The following PDLIM2 variants were observed in gnomAD, a reference collection of about 807,000 sequenced individuals.
PDLIM2 encodes PDZ and LIM domain 2.
Under a neutral mutation model 54.1 loss-of-function variants are expected in PDLIM2, and 51 were observed. The ratio of observed to expected loss-of-function variants is 0.94; its 90% CI spans 0.75 to 1.19. The LOEUF (loss-of-function observed/expected upper bound fraction) is 1.19. Ranked by LOEUF, PDLIM2 falls within the 50% of genes most tolerant of loss-of-function variation. PDLIM2 has a pLI of 0.00. For missense variants in PDLIM2, 912 were observed against 874.0 expected, an observed-to-expected ratio of 1.04 and a Z score of -0.55; for synonymous variants, 398 against 385.6, an observed-to-expected ratio of 1.03 and a Z score of -0.38.
intron 3 of PDLIM2, among the ~76,000 whole-genome samples, chr8:22,583,306 CT>C (rs1203398545): frequency 2.6e-5 from 4 of 152,022 alleles, no homozygotes; most frequent in African/African-American, 9.7e-5. Context: ...GGGGAGACCC[CT>C]GAGAAAGGGA....
exon 9 of PDLIM2, chr8:22,591,606 C>G (rs1191372645): frequency 1.9e-6 from 3 of 1,613,630 alleles, no homozygotes; most frequent in Non-Finnish European, 2.5e-6. Context: ...CCCTGCCCGC[C>G]TCCAGGGCCC....
downstream of PDLIM2, chr8:22,595,545 G>C (rs1050954288): frequency 2.6e-5 from 4 of 152,308 alleles, no homozygotes; most frequent in African/African-American, 9.6e-5. Context: ...GAATGAATAA[G>C]AGGATGTGGC....
downstream of PDLIM2, chr8:22,594,813 C>T: frequency 2.5e-6 from 3 of 1,177,042 alleles, no homozygotes; most frequent in Non-Finnish European, 3.4e-6. Context: ...GCTTTAGGCC[C>T]AGGTACTGGG....
downstream of PDLIM2, chr8:22,597,308 T>C (rs1461065538): frequency 6.6e-6 from 1 of 152,314 alleles, no homozygotes. Flanking sequence ...GGCTCTAGGC[T>C]TGGGACTGCG....
intron 6 of PDLIM2, 86 bp downstream of exon 5, chr8:22,585,485 G>A (rs1188352042): frequency 6.7e-6 from 9 of 1,348,968 alleles, no homozygotes; most frequent in Non-Finnish European, 9.2e-6. Flanking sequence ...ACTGCAGGCG[G>A]CCAGGCCCAC....
chr8:22,581,963 G>A (rs1488538278), intron 3 of PDLIM2, among the ~76,000 whole-genome samples: 1 of 152,244 alleles, frequency 6.6e-6, no homozygotes, highest in Non-Finnish European at 1.5e-5. Flanking sequence ...AGCTGGAAGT[G>A]AGGACTTGGG....
At chr8:22,584,795 A>G (rs1482990098) in intron 3 of PDLIM2, 26 bp from the exon 3 acceptor site, 2 of 1,612,176 alleles carry the variant, frequency 1.2e-6, no homozygotes, top group Non-Finnish European at 1.7e-6. Flanking sequence ...CCCCTGTGAC[A>G]TTCCCTCCCT....
exon 10 of PDLIM2, chr8:22,593,938 TG>T: frequency 6.5e-7 from 1 of 1,543,876 alleles, no homozygotes; most frequent in Non-Finnish European, 8.7e-7. Flanking sequence ...CCTGCCTCAC[TG>T]CTGGGCCAGG....
chr8:22,578,758 C>G (rs1800104088), exon 1 of PDLIM2: 1 of 1,233,488 alleles, frequency 8.1e-7, no homozygotes, highest in Admixed American at 4.2e-5. Context: ...CCCAGGCAGC[C>G]CACCCTGCCC....
chr8:22,589,327 G>A (rs759268283), exon 7 of PDLIM2: 18 of 1,534,078 alleles, frequency 1.2e-5, no homozygotes, highest in East Asian at 7.3e-5. Context: ...GCGACTCGGC[G>A]GTGCTGGTGC....
intron 9 of PDLIM2, chr8:22,593,408 T>C (rs1800607294): frequency 3.7e-6 from 1 of 267,394 alleles, no homozygotes; most frequent in Admixed American, 5.0e-5. Context: ...AAAACCCGTC[T>C]CTACTAAAAA....
At chr8:22,580,515 C>T in intron 1 of PDLIM2, 2 of 1,603,650 alleles carry the variant, frequency 1.2e-6, no homozygotes, top group South Asian at 2.2e-5. Context: ...CCCTCTCCTT[C>T]TCCCTTTGGC....
exon 10 of PDLIM2, chr8:22,593,927 G>A (rs1406840978): frequency 6.5e-7 from 1 of 1,546,298 alleles, no homozygotes; most frequent in Non-Finnish European, 8.7e-7. Context: ...CATGCCCTCA[G>A]CCTGCCTCAC....
At position 22,589,855 on chromosome 8, in the gene PDLIM2, G is replaced by A. The variant is rs1164146045; in HGVS notation, c.1513+114G>A. The A allele has an allele frequency of 7.9e-6, 11 of 1,400,530 alleles. No homozygotes were observed. The East Asian group carries it at 1.3e-4, about 16-fold the overall frequency. 86.8% of individuals were successfully genotyped at this position (1,400,530 alleles called of 1,614,324 possible). ...AGTGCCTGTGAGGTGCTCACCCCAG[G>A]ACTAGGCACGGAGCCGAGCAGAGCG... On this transcript the variant is annotated intron_variant, in intron 8 of 9. Coordinates refer to ENST00000308354, the Ensembl canonical transcript of PDLIM2.
exon 1 of PDLIM2, chr8:22,578,802 C>A (rs945105918): frequency 6.5e-6 from 8 of 1,234,318 alleles, no homozygotes; most frequent in African/African-American, 6.2e-5. Context: ...AGAGCGCGGC[C>A]GGCGTGGGAG....
chr8:22,579,971 C>T (rs1586917321), intron 1 of PDLIM2, among the ~76,000 whole-genome samples: 1 of 152,156 alleles, frequency 6.6e-6, no homozygotes, highest in African/African-American at 2.4e-5. Context: ...GTGGGGAGCC[C>T]GGTCTTGCCC....
rs1800635737 is a variant in PDLIM2, at chr8:22,594,271, A to G, written c.*361A>G. On this transcript the variant is annotated 3_prime_UTR_variant, in exon 10 of 10. Transcript: ENST00000308354. ...GTAAAGTTTTTGACATACTAGCTCT[A>G]TAAATATATGAATATGGACAAAATA... The G allele has an allele frequency of 2.9e-6, 4 of 1,395,078 alleles. No homozygotes were observed. The African/African-American group carries it at 4.4e-5, about 15-fold the overall frequency. 86.4% of individuals were successfully genotyped at this position (1,395,078 alleles called of 1,614,324 possible).
At chr8:22,595,191 A>G (rs3735893), downstream of PDLIM2, 49,579 of 152,630 alleles carry the variant, frequency 0.32, 8,221 homozygotes, top group South Asian at 0.39. Flanking sequence ...GCTCTTTGTG[A>G]AAGGAATCTT....
downstream of PDLIM2, chr8:22,594,648 G>C (rs369815672): frequency 8.7e-6 from 14 of 1,612,668 alleles, no homozygotes; most frequent in African/African-American, 1.9e-4. Flanking sequence ...CCAAGCTGGT[G>C]AGACAACCTC....
Sources: gnomAD v4.1 joint callset for allele counts (sites outside exome capture counted in the v4.1 genomes callset) on GRCh38, gnomAD v4.1.1 for gene constraint, MANE v1.5 for transcripts, NCBI Gene and HGNC (gene_info 2026-07-23, HGNC 2026-07-21) for gene names.